The following TMEM272 variants were observed in gnomAD, a reference collection of about 807,000 sequenced individuals.
TMEM272 encodes the protein long intergenic non-protein coding RNA 282.
In TMEM272, 8 loss-of-function variants were observed where a neutral mutation model predicts 3.7. The ratio of observed to expected loss-of-function variants is 2.17; its 90% confidence interval spans 1.27 to 3.91. TMEM272 has a LOEUF of 3.91. TMEM272 is among the 30% of genes most tolerant of loss of function. TMEM272 has a pLI of 0.00. For synonymous variants in TMEM272, 63 were observed against 39.8 expected, an observed-to-expected ratio of 1.58 and a Z score of -2.20; for missense variants, 166 against 91.5, an observed-to-expected ratio of 1.81 and a Z score of -3.32.
chr13:51,848,163 C>G (rs1027360121), upstream of TMEM272, among the ~76,000 whole-genome samples: 2 of 152,100 alleles, frequency 1.3e-5, no homozygotes, highest in Non-Finnish European at 2.9e-5. Flanking sequence ...TGGAGTAACC[C>G]AGAGATTAGC....
the TMEM272 span, among the ~76,000 whole-genome samples, chr13:51,871,555 C>G: frequency 6.6e-6 from 1 of 152,026 alleles, no homozygotes; most frequent in South Asian, 2.1e-4. Context: ...AACTAGCATC[C>G]CTTGCCACTT....
the TMEM272 span, chr13:51,865,974 G>C: frequency 6.2e-7 from 1 of 1,614,042 alleles, no homozygotes; most frequent in Non-Finnish European, 8.5e-7. Flanking sequence ...AGGGCCTTCT[G>C]GATGGAGAAC....
At chr13:51,883,301 C>G in the TMEM272 span, among the ~76,000 whole-genome samples, 1 of 152,222 alleles carries the variant, frequency 6.6e-6, no homozygotes, top group Non-Finnish European at 1.5e-5. Context: ...GGGTATGTTA[C>G]AGCTTTTTTC....
At chr13:51,903,037 A>T in the TMEM272 span, among the ~76,000 whole-genome samples, 2 of 151,276 alleles carry the variant, frequency 1.3e-5, no homozygotes, top group Non-Finnish European at 3.0e-5. Context: ...CACCAATAGC[A>T]TCCACTGGGG....
the TMEM272 span, among the ~76,000 whole-genome samples, chr13:51,893,422 C>T: frequency 2.3e-4 from 35 of 152,318 alleles, no homozygotes; most frequent in African/African-American, 8.2e-4. Flanking sequence ...CTTCCCTGCA[C>T]CCTAATCTCA....
At chr13:51,836,947 A>T (rs914977977) in intron 2 of TMEM272, among the ~76,000 whole-genome samples, 33 of 152,232 alleles carry the variant, frequency 2.2e-4, no homozygotes, top group African/African-American at 7.5e-4. Flanking sequence ...CAAGAGAGCA[A>T]ACGCTTCTGT....
At chr13:51,877,303 C>T in the TMEM272 span, among the ~76,000 whole-genome samples, 1 of 152,160 alleles carries the variant, frequency 6.6e-6, no homozygotes, top group South Asian at 2.1e-4. Flanking sequence ...CCTTTTCTCC[C>T]CATGTCATAT....
chr13:51,842,101 C>T (rs1004658040), intron 1 of TMEM272, among the ~76,000 whole-genome samples: 10 of 152,122 alleles, frequency 6.6e-5, no homozygotes, highest in Non-Finnish European at 1.5e-4. Context: ...TACGTAAACA[C>T]ATAGAAAAAG....
the TMEM272 span, chr13:51,910,371 C>T: frequency 1.8e-6 from 2 of 1,102,578 alleles, no homozygotes; most frequent in Admixed American, 3.4e-5. Flanking sequence ...TTCAATTAGT[C>T]CAGAAAGCGC....
the TMEM272 span, among the ~76,000 whole-genome samples, chr13:51,919,460 C>A: frequency 6.6e-6 from 1 of 152,184 alleles, no homozygotes; most frequent in East Asian, 1.9e-4. Flanking sequence ...CCGATCTGAA[C>A]TTGGTATATA....
At chr13:51,853,122 C>T in the TMEM272 span, among the ~76,000 whole-genome samples, 1 of 151,322 alleles carries the variant, frequency 6.6e-6, no homozygotes, top group South Asian at 2.1e-4. Flanking sequence ...TAAGAAAATC[C>T]CAGGCCAGGC....
At position 51,814,427 on chromosome 13, in the gene TMEM272, C is replaced by A. The variant is rs527672168; in HGVS notation, c.*2324G>T. 2 of 152,342 alleles carry A rather than the reference C, an allele frequency of 1.3e-5. No individual in the cohort carries two copies. The highest frequency in any genetic ancestry group is 2.9e-5 in the Non-Finnish European group (2 of 68,036). 9.4% of individuals were successfully genotyped at this position (152,342 alleles called of 1,614,324 possible). ...ATGAATGGATGCACATGAACATTTTCTTTAGGATCTAACCTGTTTCCCCAG... is the reference window on the plus strand; with the variant it reads ...ATGAATGGATGCACATGAACATTTTATTTAGGATCTAACCTGTTTCCCCAG... On this transcript the variant is annotated 3_prime_UTR_variant, in exon 5 of 5. Transcript: ENST00000629372.
the TMEM272 span, among the ~76,000 whole-genome samples, chr13:51,926,391 G>C: frequency 6.6e-6 from 1 of 152,140 alleles, no homozygotes; most frequent in African/African-American, 2.4e-5. Flanking sequence ...TGCTGGGAGA[G>C]GCCAAGCTAA....
At chr13:51,889,674 T>C in the TMEM272 span, among the ~76,000 whole-genome samples, 10 of 152,072 alleles carry the variant, frequency 6.6e-5, no homozygotes, top group African/African-American at 2.4e-4. Context: ...GGAGTTTTGC[T>C]CTTGTTGCCC....
upstream of TMEM272, among the ~76,000 whole-genome samples, chr13:51,848,872 T>A (rs887139932): frequency 6.6e-6 from 1 of 152,160 alleles, no homozygotes; most frequent in East Asian, 1.9e-4. Context: ...CCCCAACAAA[T>A]TAGTTCTATG....
At chr13:51,908,593 G>A in the TMEM272 span, 24 of 1,510,806 alleles carry the variant, frequency 1.6e-5, 1 homozygote, top group South Asian at 1.7e-4. Context: ...CCAGCAGGGA[G>A]AGATGAATCA....
chr13:51,856,884 T>C, the TMEM272 span, among the ~76,000 whole-genome samples: 1 of 152,158 alleles, frequency 6.6e-6, no homozygotes, highest in South Asian at 2.1e-4. Context: ...CTCTAACCAG[T>C]AGAAATACAC....
At chr13:51,835,003 G>T (rs1419124445) in intron 2 of TMEM272, among the ~76,000 whole-genome samples, 1 of 152,058 alleles carries the variant, frequency 6.6e-6, no homozygotes, top group East Asian at 1.9e-4. Flanking sequence ...CTGCACAGTG[G>T]CCCAGGAGAG....
the TMEM272 span, among the ~76,000 whole-genome samples, chr13:51,856,987 C>T: frequency 8.6e-5 from 13 of 152,016 alleles, no homozygotes; most frequent in Admixed American, 7.2e-4. Flanking sequence ...TTGTGTAGTA[C>T]CTAATTATGT....
Sources: gnomAD v4.1 joint callset for allele counts (sites outside exome capture counted in the v4.1 genomes callset) on GRCh38, gnomAD v4.1.1 for gene constraint, MANE v1.5 for transcripts, NCBI Gene and HGNC (gene_info 2026-07-23, HGNC 2026-07-21) for gene names.